CCNE2: variants seen among roughly 807,000 people sequenced by gnomAD.
CCNE2 encodes the protein G1/S-specific cyclin-E2.
Under a neutral mutation model 56.8 loss-of-function variants are expected in CCNE2, and 18 were observed. That is an observed-to-expected ratio of 0.32 (90% CI 0.22 to 0.47). The LOEUF (loss-of-function observed/expected upper bound fraction) is 0.47, where lower values mean the gene tolerates loss of function less well. Ranked by LOEUF, CCNE2 falls within the 20% of genes least tolerant of loss-of-function variation. CCNE2 has a pLI of 1.00. For synonymous variants in CCNE2, 139 were observed against 149.2 expected (o/e 0.93, Z 0.50); for missense variants, 371 against 467.1 (o/e 0.79, Z 1.90).
chr8:94,880,931 T>TTATC lies in CCNE2; in HGVS notation c.*697_*700dup. ...CCCAGTTAGGAAGGAGCCACAGCAT[T>TTATC]TATCTTGTTTATAATTTCTTTGGTA... On this transcript the variant is annotated 3_prime_UTR_variant, in exon 12 of 12. Coordinates refer to ENST00000308108, the MANE Select transcript of CCNE2 (RefSeq NM_057749.3). The TTATC allele has an allele frequency of 5.0e-6, 2 of 398,796 alleles. No homozygotes were observed. Among genetic ancestry groups the TTATC allele is most frequent in the Non-Finnish European group, 4.4e-6 (1 of 225,916 alleles). The allele number at this position is 398,796 out of a possible 1,614,324, so 24.7% of individuals were successfully genotyped here.
At chr8:94,894,157 G>A in intron 2 of CCNE2, 38 bp from the exon 3 acceptor site, 1 of 1,613,264 alleles carries the variant, frequency 6.2e-7, no homozygotes, top group Non-Finnish European at 8.5e-7. Context: ...TAATTAGTAA[G>A]TTAAAGGCAG....
chr8:94,884,650 T>C (rs2131101978), intron 9 of CCNE2: 1 of 155,980 alleles, frequency 6.4e-6, no homozygotes, highest in South Asian at 1.9e-4. Flanking sequence ...AAAAGTTTAC[T>C]TTGAATTTAT....
chr8:94,892,879 T>C lies in CCNE2; in HGVS notation c.256A>G (p.Arg86Gly). ...TTTTTAAATCTGTAATTTGTAAATC[T>C]GGAGAAATCACTTGTTCCTATTTCT... Reference protein sequence around the residue: ...HKEIGTSDFSRFTNYRFKNLF... With the variant: ...HKEIGTSDFSGFTNYRFKNLF... The change falls in exon 5 of 12, where the codon AGA (arginine) becomes GGA (glycine). Residue 86 changes from arginine (R) to glycine (G), a missense_variant. Coordinates refer to ENST00000308108, the MANE Select transcript of CCNE2 (RefSeq NM_057749.3). 6.6e-7 allele frequency: 1 copy of C among 1,521,030 alleles called. No homozygotes were observed. The allele number at this position is 1,521,030 out of a possible 1,614,324, so 94.2% of individuals were successfully genotyped here. A position where few individuals can be genotyped will look rare whatever the true frequency, so the allele number is the denominator to read the frequency against.
intron 5 of CCNE2, chr8:94,892,200 A>G (rs1423424099): frequency 2.5e-6 from 1 of 405,884 alleles, no homozygotes; most frequent in Non-Finnish European, 4.7e-6. Flanking sequence ...ATGTGATCAC[A>G]GTCAAGAGAA....
intron 5 of CCNE2, 74 bp from the exon 6 acceptor site, chr8:94,890,624 GCT>G (rs1817203681): frequency 2.5e-6 from 1 of 393,916 alleles, no homozygotes; most frequent in Non-Finnish European, 3.6e-6. Flanking sequence ...ACAGAGTCTC[GCT>G]CTGTGGCCCA....
chr8:94,894,241 A>T lies in CCNE2; in HGVS notation c.-20T>A. ...TGACATTCTCTTCTTTCAGGTGTAT[A>T]AAACCTCTGAAGGGGGGAGAGGAAA... On this transcript the variant is annotated 5_prime_UTR_variant, in exon 2 of 12. Coordinates refer to ENST00000308108, the MANE Select transcript of CCNE2 (RefSeq NM_057749.3). The T allele has an allele frequency of 3.7e-6, 6 of 1,613,610 alleles. No homozygotes were observed. Among genetic ancestry groups the T allele is most frequent in the Non-Finnish European group, 5.1e-6 (6 of 1,179,894 alleles).
Position 94,893,977 on chromosome 8 carries a change from A to G in CCNE2, c.112-33T>C, listed in dbSNP as rs191043024. The stretch of plus-strand genomic sequence containing the variant: ...ATAGAAAAGACCATTGGTAAACTAA[A>G]GTCCCAGCATGGAATTTCGTTCCTC... On this transcript the variant is annotated intron_variant, in intron 3 of 11. Transcript: ENST00000308108. The G allele has an allele frequency of 2.0e-4, 323 of 1,613,992 alleles. 1 individual carries two copies. In the African/African-American group the frequency reaches 4.1e-3, roughly 21 times the overall value.
intron 5 of CCNE2, chr8:94,891,659 CAAAAAAAAAA>C: frequency 7.7e-6 from 2 of 259,784 alleles, no homozygotes; most frequent in Non-Finnish European, 1.4e-5. Context: ...CCTCTGTCTC[CAAAAAAAAAA>C]AAAAAAAAAA....
intron 1 of CCNE2, 143 bp downstream of exon 1, chr8:94,895,033 CG>C (rs1817430594): frequency 3.4e-6 from 1 of 290,708 alleles, no homozygotes; most frequent in Non-Finnish European, 5.1e-6. Flanking sequence ...CTGACAGGGA[CG>C]GAACGCGGGA....
intron 5 of CCNE2, among the ~76,000 whole-genome samples, chr8:94,892,367 T>C (rs888024270): frequency 6.6e-6 from 1 of 152,224 alleles, no homozygotes; most frequent in Non-Finnish European, 1.5e-5. Flanking sequence ...AGTACATGTT[T>C]TGTATAAGCT....
Position 94,890,500 on chromosome 8 carries a change from C to A in CCNE2, c.368G>T (p.Arg123Ile). The A allele has an allele frequency of 3.7e-6, 6 of 1,602,914 alleles. No homozygotes were observed. The highest frequency in any genetic ancestry group is 5.1e-6 in the Non-Finnish European group (6 of 1,173,834). Residue 123 changes from arginine to isoleucine, a missense_variant, in exon 6 of 12, where the codon AGA (arginine) becomes ATA (isoleucine). Transcript: ENST00000308108. ...VWLNMLKKESRYVHDKHFEVL... is the reference protein window; with the variant it reads ...VWLNMLKKESIYVHDKHFEVL... ...TTCAAAATGTTTGTCATGAACATAT[C>A]TGCTCTCCTTTTTTAACATGTTTAG...
intron 9 of CCNE2, among the ~76,000 whole-genome samples, chr8:94,883,527 T>C (rs904709172): frequency 4.6e-5 from 7 of 152,022 alleles, no homozygotes; most frequent in Non-Finnish European, 8.8e-5. Flanking sequence ...GAAAAATAAA[T>C]AAGGAGTACC....
chr8:94,883,068 G>T (rs947519645), intron 9 of CCNE2, among the ~76,000 whole-genome samples, 176 bp from the exon 10 acceptor site: 2 of 152,068 alleles, frequency 1.3e-5, no homozygotes, highest in African/African-American at 4.8e-5. Context: ...AAGGTCACGA[G>T]ATCGAGACCA....
Position 94,880,609 on chromosome 8 carries a change from G to A in CCNE2, c.*1023C>T. ...TTAATAAATAGATTTCTAGGAGTCA[G>A]TATATATTTAATACTCTTCTTCCTT... On this transcript the variant is annotated 3_prime_UTR_variant, in exon 12 of 12. Coordinates refer to ENST00000308108, the MANE Select transcript of CCNE2 (RefSeq NM_057749.3). The A allele has an allele frequency of 2.8e-6, 1 of 360,198 alleles. No homozygotes were observed. 22.3% of individuals were successfully genotyped at this position (360,198 alleles called of 1,614,324 possible).
chr8:94,884,671 ATTT>A (rs1205519315), intron 9 of CCNE2: 1 of 154,988 alleles, frequency 6.5e-6, no homozygotes, highest in South Asian at 2.0e-4. Context: ...GTTCTAAAAA[ATTT>A]TTTTAACAAA....
chr8:94,888,280 C>T (rs758388718), intron 6 of CCNE2, among the ~76,000 whole-genome samples: 15 of 152,082 alleles, frequency 9.9e-5, no homozygotes, highest in Non-Finnish European at 2.2e-4. Flanking sequence ...GTTTTTCTTA[C>T]CTCATTTATT....
intron 10 of CCNE2, 124 bp downstream of exon 10, chr8:94,882,657 T>C: frequency 1.5e-6 from 1 of 683,188 alleles, no homozygotes; most frequent in Admixed American, 2.6e-5. Flanking sequence ...AGATAATTAC[T>C]GAACAGCTAA....
intron 9 of CCNE2, among the ~76,000 whole-genome samples, chr8:94,883,137 TTGG>T (rs1816893515): frequency 6.6e-6 from 1 of 152,108 alleles, no homozygotes; most frequent in African/African-American, 2.4e-5. Flanking sequence ...TTAGCTGGGC[TTGG>T]TGGCACGCGC....
chr8:94,896,094 T>C (rs1345386645), upstream of CCNE2, among the ~76,000 whole-genome samples: 1 of 152,138 alleles, frequency 6.6e-6, no homozygotes, highest in Non-Finnish European at 1.5e-5. Context: ...CCTCCCTTGC[T>C]TCCTCTCTTC....
Sources: allele counts gnomAD v4.1 joint callset (sites outside exome capture counted in the v4.1 genomes callset), GRCh38; gene constraint gnomAD v4.1.1; transcripts MANE v1.5; gene names NCBI Gene and HGNC (gene_info 2026-07-23, HGNC 2026-07-21).